The following NALCN variants were observed in gnomAD, a reference collection of about 807,000 sequenced individuals.
NALCN encodes the protein sodium leak channel, non-selective, also known as sodium leak channel NALCN.
Under a neutral mutation model 225.3 loss-of-function variants are expected in NALCN, and 111 were observed. That is an observed-to-expected ratio of 0.49 (90% CI 0.42 to 0.58). The LOEUF is 0.58. Among genes scored for constraint, NALCN ranks in the 20% least tolerant of loss-of-function variants. The pLI, the probability that NALCN is intolerant of heterozygous loss-of-function variation, is 0.00. For synonymous variants in NALCN, 764 were observed against 769.0 expected, an observed-to-expected ratio of 0.99 and a Z score of 0.11; for missense variants, 1,378 against 2,202.4, an observed-to-expected ratio of 0.63 and a Z score of 7.49.
At chr13:101,282,399 T>A (rs1049729967) in intron 10 of NALCN, among the ~76,000 whole-genome samples, 1 of 152,112 alleles carries the variant, frequency 6.6e-6, no homozygotes, top group Non-Finnish European at 1.5e-5. Context: ...TGAAATGAAC[T>A]AGACACAGAA....
intron 10 of NALCN, among the ~76,000 whole-genome samples, chr13:101,280,210 T>C (rs753428972): frequency 4.6e-5 from 7 of 152,210 alleles, no homozygotes; most frequent in Non-Finnish European, 1.0e-4. Flanking sequence ...GAAAGCTTTA[T>C]TCAGGGCCAA....
At chr13:101,083,338 G>A in intron 31 of NALCN, 140 bp from the exon 32 acceptor site, 1 of 709,446 alleles carries the variant, frequency 1.4e-6, no homozygotes, top group Non-Finnish European at 2.3e-6. Flanking sequence ...AGGTGTTTTT[G>A]CAGCAATGGC....
At chr13:101,062,975 C>T (rs1279774741) in intron 40 of NALCN, among the ~76,000 whole-genome samples, 1 of 152,250 alleles carries the variant, frequency 6.6e-6, no homozygotes, top group Non-Finnish European at 1.5e-5. Flanking sequence ...CCTTGACACA[C>T]AGCAGGCCCA....
chr13:101,306,661 T>C (rs1053080560), intron 7 of NALCN, among the ~76,000 whole-genome samples: 1 of 152,220 alleles, frequency 6.6e-6, no homozygotes, highest in African/African-American at 2.4e-5. Flanking sequence ...TCACATTCAT[T>C]AAAGTGGCTG....
chr13:101,326,058 A>G (rs1454703060), intron 7 of NALCN, among the ~76,000 whole-genome samples: 1 of 152,212 alleles, frequency 6.6e-6, no homozygotes, highest in Admixed American at 6.5e-5. Flanking sequence ...TTTTACAAAA[A>G]CTAAACAGCA....
At chr13:101,297,635 G>C (rs2043804316) in intron 7 of NALCN, among the ~76,000 whole-genome samples, 1 of 152,160 alleles carries the variant, frequency 6.6e-6, no homozygotes, top group Admixed American at 6.5e-5. Context: ...ACAAGCTATA[G>C]GAGTCTGCAG....
chr13:101,366,712 C>G (rs1023978603), intron 6 of NALCN, among the ~76,000 whole-genome samples: 1 of 152,116 alleles, frequency 6.6e-6, no homozygotes, highest in Non-Finnish European at 1.5e-5. Context: ...TGTATGTATA[C>G]AAGACATAAT....
chr13:101,284,418 A>G (rs2043270769), intron 9 of NALCN, among the ~76,000 whole-genome samples: 1 of 152,210 alleles, frequency 6.6e-6, no homozygotes, highest in Admixed American at 6.5e-5. Flanking sequence ...TATAGGTTGC[A>G]AATTTTTATT....
At chr13:101,074,492 A>G in intron 36 of NALCN, 22 bp downstream of exon 36, 1 of 1,518,966 alleles carries the variant, frequency 6.6e-7, no homozygotes, top group Non-Finnish European at 8.8e-7. Flanking sequence ...ATAAATGAAT[A>G]GAAAGATAAG....
At position 101,397,691 on chromosome 13, in the gene NALCN, G is replaced by GTATAT. The variant is rs1252655425; in HGVS notation, c.108+1323_108+1327dup. Reference sequence around the variant, plus strand: ...TAAGACAATAGATCCATAAATATATGTATATTATATAAATATACACACGAC... The same window carrying GTATAT: ...TAAGACAATAGATCCATAAATATATGTATATTATATTATATAAATATACACACGAC... On this transcript the variant is annotated intron_variant, in intron 2 of 43. Coordinates refer to ENST00000251127, the MANE Select transcript of NALCN (RefSeq NM_052867.4). Among the ~76,000 whole-genome samples, 10 of 151,220 alleles carry GTATAT rather than the reference G, an allele frequency of 6.6e-5. No individual in the cohort carries two copies. In the East Asian group the frequency reaches 1.9e-3, roughly 29 times the overall value.
intron 7 of NALCN, among the ~76,000 whole-genome samples, chr13:101,299,681 A>G (rs2043881764): frequency 6.6e-6 from 1 of 152,178 alleles, no homozygotes; most frequent in African/African-American, 2.4e-5. Flanking sequence ...CACCTCTTCA[A>G]TTCAGCTACA....
chr13:101,101,758 T>A (rs2034835173), intron 26 of NALCN, among the ~76,000 whole-genome samples: 2 of 152,134 alleles, frequency 1.3e-5, no homozygotes, highest in South Asian at 4.1e-4. Flanking sequence ...ACTTCTTTGG[T>A]CTCAGCAGAG....
chr13:101,390,546 A>G (rs897178456), intron 3 of NALCN, among the ~76,000 whole-genome samples: 3 of 152,190 alleles, frequency 2.0e-5, no homozygotes, highest in African/African-American at 7.2e-5. Context: ...TGATGAAACT[A>G]GGAAAATATA....
intron 1 of NALCN, among the ~76,000 whole-genome samples, chr13:101,406,473 T>C (rs552518288): frequency 6.6e-6 from 1 of 152,342 alleles, no homozygotes; most frequent in South Asian, 2.1e-4. Flanking sequence ...TATTACAGAA[T>C]GGACAGGAAA....
intron 37 of NALCN, among the ~76,000 whole-genome samples, chr13:101,070,212 G>A (rs537992292): frequency 6.6e-6 from 1 of 151,924 alleles, no homozygotes; most frequent in East Asian, 1.9e-4. Flanking sequence ...GTCTACAGGC[G>A]CCCACCACCA....
chr13:101,402,285 G>A (rs957660026), intron 1 of NALCN, among the ~76,000 whole-genome samples: 1 of 152,184 alleles, frequency 6.6e-6, no homozygotes, highest in Non-Finnish European at 1.5e-5. Flanking sequence ...AATATCGGGA[G>A]AGAGGCTACA....
intron 6 of NALCN, among the ~76,000 whole-genome samples, chr13:101,371,682 C>T (rs1268659569): frequency 6.6e-6 from 1 of 152,186 alleles, no homozygotes; most frequent in Non-Finnish European, 1.5e-5. Context: ...GTAGGCACCA[C>T]TTGATTCACT....
At chr13:101,225,765 C>G (rs879375081) in intron 13 of NALCN, among the ~76,000 whole-genome samples, 1 of 152,126 alleles carries the variant, frequency 6.6e-6, no homozygotes, top group African/African-American at 2.4e-5. Context: ...GAAAGGAATA[C>G]CAAAACAACC....
At chr13:101,287,929 T>C (rs969328573) in intron 9 of NALCN, among the ~76,000 whole-genome samples, 5 of 152,254 alleles carry the variant, frequency 3.3e-5, no homozygotes, top group Admixed American at 2.6e-4. Context: ...GCAGCTGAAT[T>C]AGAATTCCAA....
Sources: allele counts gnomAD v4.1 joint callset (sites outside exome capture counted in the v4.1 genomes callset), GRCh38; gene constraint gnomAD v4.1.1; transcripts MANE v1.5; gene names NCBI Gene and HGNC (gene_info 2026-07-23, HGNC 2026-07-21).